Variants in ESRP1 observed in about 807,000 individuals in gnomAD.
ESRP1 encodes RNA-binding motif protein 35A.
In ESRP1, 33 loss-of-function variants were observed where a neutral mutation model predicts 81.7. That is an observed-to-expected ratio of 0.40 (90% CI 0.31 to 0.54). The LOEUF (loss-of-function observed/expected upper bound fraction) is 0.54. Ranked by LOEUF, ESRP1 falls within the 20% of genes least tolerant of loss-of-function variation. The pLI is 0.41. For synonymous variants in ESRP1, 320 were observed against 303.3 expected (o/e 1.06, Z -0.57); for missense variants, 672 against 833.1 (o/e 0.81, Z 2.38).
chr8:94,662,616 G>A lies in ESRP1; in HGVS notation c.644+61G>A, dbSNP rs1292531618. The A allele has an allele frequency of 2.6e-5, 36 of 1,371,522 alleles. No individual in the cohort carries two copies. In the East Asian group the frequency reaches 8.5e-4, roughly 33 times the overall value. 85.0% of individuals were successfully genotyped at this position (1,371,522 alleles called of 1,614,324 possible). On this transcript the variant is annotated intron_variant, in intron 6 of 15. Coordinates refer to ENST00000433389, the MANE Select transcript of ESRP1 (RefSeq NM_017697.4). The stretch of plus-strand genomic sequence containing the variant: ...ACTTGTTTTTTTTTTTTGTCTGTTT[G>A]TTTGTTTTTGAGACAGAGTCTTGCT...
rs987589044 is a variant in ESRP1, at chr8:94,706,135, C to T, written c.*246C>T. ...AGCAAGCAGCATGCAGCATACCTGG[C>T]TCTTTGCTGATTGCAAATAGGCATT... On this transcript the variant is annotated 3_prime_UTR_variant, in exon 16 of 16. Transcript: ENST00000433389. 7.5e-5 allele frequency: 41 copies of T among 548,148 alleles called. 1 individual carries two copies. The highest frequency in any genetic ancestry group is 1.1e-4 in the Non-Finnish European group (34 of 315,162). The allele number at this position is 548,148 out of a possible 1,614,324, so 34.0% of individuals were successfully genotyped here.
intron 4 of ESRP1, among the ~76,000 whole-genome samples, chr8:94,658,987 T>C (rs967373579): frequency 1.3e-5 from 2 of 152,134 alleles, no homozygotes; most frequent in African/African-American, 4.8e-5. Flanking sequence ...AGTGGTGTAC[T>C]TTTCGACCTC....
intron 1 of ESRP1, 171 bp from the exon 2 acceptor site, chr8:94,641,785 G>A: frequency 2.2e-6 from 2 of 919,868 alleles, no homozygotes; most frequent in Non-Finnish European, 3.0e-6. Context: ...CGGGTGGGGG[G>A]TGGGGCGGGG....
At chr8:94,671,405 A>G in intron 10 of ESRP1, 48 bp from the exon 11 acceptor site, 1 of 1,511,962 alleles carries the variant, frequency 6.6e-7, no homozygotes, top group Non-Finnish European at 9.0e-7. Context: ...TGCAGAAAGC[A>G]GGGGAGTAGC....
intron 4 of ESRP1, among the ~76,000 whole-genome samples, chr8:94,648,544 C>T (rs6990716): frequency 0.76 from 115,506 of 152,208 alleles, 45,541 homozygotes; most frequent in South Asian, 0.88. Flanking sequence ...TGAATTGTTC[C>T]GTTCTTTCAG....
chr8:94,688,938 T>A (rs1056579272), intron 13 of ESRP1, among the ~76,000 whole-genome samples: 8 of 152,152 alleles, frequency 5.3e-5, no homozygotes, highest in Non-Finnish European at 1.2e-4. Flanking sequence ...ATCAATTTGG[T>A]GGTATGGCCA....
intron 15 of ESRP1, among the ~76,000 whole-genome samples, chr8:94,700,802 G>A (rs1249184314): frequency 6.6e-6 from 1 of 152,006 alleles, no homozygotes; most frequent in Non-Finnish European, 1.5e-5. Flanking sequence ...GGTGGTGGGC[G>A]CCTGTAGCCC....
rs572108451 is a variant in ESRP1 at position 94,704,290 on chromosome 8, C to T, written c.*36-1635C>T. 8.5e-4 allele frequency among the ~76,000 whole-genome samples: 127 copies of T among 149,594 alleles called. 1 individual carries two copies. The highest frequency in any genetic ancestry group is 1.4e-3 in the Non-Finnish European group (93 of 67,682). On this transcript the variant is annotated intron_variant, in intron 15 of 15. Coordinates refer to ENST00000433389, the MANE Select transcript of ESRP1 (RefSeq NM_017697.4). ...AAATAAGACTGAAGTCTAAAACATTCCTGTTTTTCATTTACATGTCAAAGT... is the reference window on the plus strand; with the variant it reads ...AAATAAGACTGAAGTCTAAAACATTTCTGTTTTTCATTTACATGTCAAAGT...
chr8:94,652,889 A>G (rs1448547288), intron 4 of ESRP1, among the ~76,000 whole-genome samples: 1 of 152,220 alleles, frequency 6.6e-6, no homozygotes, highest in African/African-American at 2.4e-5. Context: ...TTTAAGTTAT[A>G]TGCTCTAGCA....
At chr8:94,642,452 C>T (rs1163440188) in intron 2 of ESRP1, among the ~76,000 whole-genome samples, 1 of 152,234 alleles carries the variant, frequency 6.6e-6, no homozygotes, top group African/African-American at 2.4e-5. Context: ...GGGTTTGGGC[C>T]CACAGCCTTC....
intron 4 of ESRP1, among the ~76,000 whole-genome samples, chr8:94,650,927 G>A (rs1468222817): frequency 6.6e-6 from 1 of 152,010 alleles, no homozygotes; most frequent in African/African-American, 2.4e-5. Flanking sequence ...GGATGGTCTC[G>A]ATCTCCTGAC....
At chr8:94,674,251 T>C in intron 11 of ESRP1, 57 bp from the exon 12 acceptor site, 1 of 1,556,034 alleles carries the variant, frequency 6.4e-7, no homozygotes, top group South Asian at 1.2e-5. Context: ...TAAGCAACCA[T>C]TTCCTTGTTG....
chr8:94,649,232 G>A (rs9694810), intron 4 of ESRP1, among the ~76,000 whole-genome samples: 69,731 of 152,050 alleles, frequency 0.46, 18,157 homozygotes, highest in South Asian at 0.69. Flanking sequence ...TCAAATTTTG[G>A]AGATGGGTCC....
chr8:94,685,024 A>T (rs1416518006), intron 13 of ESRP1, among the ~76,000 whole-genome samples: 5 of 50,934 alleles, frequency 9.8e-5, no homozygotes, highest in Non-Finnish European at 1.6e-4. Context: ...CCTGTCTTTA[A>T]AAAAAAAAAA....
intron 11 of ESRP1, among the ~76,000 whole-genome samples, chr8:94,671,944 T>C (rs1169884373): frequency 6.6e-6 from 1 of 152,238 alleles, no homozygotes; most frequent in East Asian, 1.9e-4. Flanking sequence ...TAGAATGAAC[T>C]GAAAATAATG....
chr8:94,697,876 G>A (rs1743203705), intron 15 of ESRP1, among the ~76,000 whole-genome samples: 1 of 152,098 alleles, frequency 6.6e-6, no homozygotes, highest in South Asian at 2.1e-4. Flanking sequence ...CTGCTCCTGG[G>A]TTCAGGTGAT....
At chr8:94,664,630 C>A in intron 6 of ESRP1, 67 bp from the exon 7 acceptor site, 2 of 1,111,140 alleles carry the variant, frequency 1.8e-6, no homozygotes, top group Non-Finnish European at 2.8e-6. Flanking sequence ...AGTTGTCTTG[C>A]AGGGGGTAAT....
At chr8:94,654,912 C>A (rs1818319297) in intron 4 of ESRP1, among the ~76,000 whole-genome samples, 2 of 147,152 alleles carry the variant, frequency 1.4e-5, no homozygotes, top group Admixed American at 1.4e-4. Context: ...GCCTGAAGAT[C>A]CTGCCTCAAA....
rs759670964 is a variant in ESRP1, at chr8:94,668,172, T to C, written c.1155T>C (p.Asn385=). The change falls in exon 10 of 16, where the codon AAT becomes AAC. Residue 385 remains asparagine, a synonymous_variant. Transcript: ENST00000433389. The part of the protein sequence containing the change: ...VLFACEEYAQ[N]ALRKHKDLLG... Reference sequence around the variant, plus strand: ...TTGCCTGTGAGGAATATGCACAGAATGCGTTGAGGAAGCATAAAGACTTGT... The same window carrying C: ...TTGCCTGTGAGGAATATGCACAGAACGCGTTGAGGAAGCATAAAGACTTGT... 3.1e-6 allele frequency: 5 copies of C among 1,613,930 alleles called. No individual in the cohort carries two copies. The highest frequency in any genetic ancestry group is 2.2e-5 in the East Asian group (1 of 44,882).
Sources: allele counts gnomAD v4.1 joint callset (sites outside exome capture counted in the v4.1 genomes callset), GRCh38; gene constraint gnomAD v4.1.1; transcripts MANE v1.5; gene names NCBI Gene and HGNC (gene_info 2026-07-23, HGNC 2026-07-21).